The following COX5A variants were observed in gnomAD, a reference collection of about 807,000 sequenced individuals.
COX5A encodes the protein cytochrome c oxidase subunit 5A, mitochondrial.
In COX5A, 6 loss-of-function variants were observed where a neutral mutation model predicts 16.1. The observed-to-expected ratio is 0.37, with a 90% CI of 0.20 to 0.73. COX5A has a LOEUF of 0.73. Ranked by LOEUF, COX5A falls within the 30% of genes least tolerant of loss-of-function variation. COX5A has a pLI of 0.50. For synonymous variants in COX5A, 73 were observed against 73.8 expected (o/e 0.99, Z 0.06); for missense variants, 159 against 194.9 (o/e 0.82, Z 1.10).
chr15:74,922,025 A>G (rs1222958151), intron 4 of COX5A, among the ~76,000 whole-genome samples: 2 of 152,134 alleles, frequency 1.3e-5, no homozygotes, highest in Non-Finnish European at 2.9e-5. Flanking sequence ...CTGTCTCTAT[A>G]ACAAAATTAA....
chr15:74,938,063 G>T lies in COX5A; in HGVS notation c.-49C>A. 1 of 1,175,068 alleles carries T rather than the reference G, an allele frequency of 8.5e-7. No individual in the cohort carries two copies. The highest frequency in any genetic ancestry group is 1.6e-5 in the African/African-American group (1 of 63,082). 72.8% of individuals were successfully genotyped at this position (1,175,068 alleles called of 1,614,324 possible). A position where few individuals can be genotyped will look rare whatever the true frequency, so the allele number is the denominator to read the frequency against. Reference sequence around the variant, plus strand: ...TGAGGACAGAGAGAAGCCGGTGTAAGCTCGCGGGTTGCTCCGGAGCGGGCG... The same window carrying T: ...TGAGGACAGAGAGAAGCCGGTGTAATCTCGCGGGTTGCTCCGGAGCGGGCG... On this transcript the variant is annotated 5_prime_UTR_variant, in exon 1 of 5. Coordinates refer to ENST00000322347, the MANE Select transcript of COX5A (RefSeq NM_004255.4).
At chr15:74,933,408 C>CA (rs142190767) in intron 1 of COX5A, among the ~76,000 whole-genome samples, 23 of 143,980 alleles carry the variant, frequency 1.6e-4, no homozygotes, top group African/African-American at 5.5e-4. Flanking sequence ...GACTCCGTCT[C>CA]AAAAAAAAAA....
At chr15:74,927,002 T>C in intron 2 of COX5A, 115 bp from the exon 3 acceptor site, 1 of 1,120,044 alleles carries the variant, frequency 8.9e-7, no homozygotes, top group Non-Finnish European at 1.2e-6. Context: ...GGGTCTCCAT[T>C]CTCTTACCTA....
intron 1 of COX5A, among the ~76,000 whole-genome samples, chr15:74,933,468 T>C (rs942332163): frequency 1.4e-5 from 2 of 147,592 alleles, no homozygotes; most frequent in African/African-American, 2.4e-5. Context: ...TCTATCTATG[T>C]AAAAACATAG....
intron 2 of COX5A, among the ~76,000 whole-genome samples, 180 bp from the exon 3 acceptor site, chr15:74,927,067 T>A (rs901095387): frequency 6.6e-6 from 1 of 152,046 alleles, no homozygotes; most frequent in African/African-American, 2.4e-5. Flanking sequence ...TCACAGTGGA[T>A]CTCCCTTAGT....
At chr15:74,932,629 T>C (rs2065372305) in intron 1 of COX5A, among the ~76,000 whole-genome samples, 3 of 151,854 alleles carry the variant, frequency 2.0e-5, no homozygotes, top group South Asian at 2.1e-4. Flanking sequence ...CTAAATTACC[T>C]ACATAATCCA....
At chr15:74,928,315 A>G (rs900090766) in intron 2 of COX5A, among the ~76,000 whole-genome samples, 2 of 152,208 alleles carry the variant, frequency 1.3e-5, no homozygotes, top group African/African-American at 4.8e-5. Context: ...ATGGCAAAAC[A>G]ATGCAAAAAT....
intron 4 of COX5A, among the ~76,000 whole-genome samples, chr15:74,922,809 G>C (rs12101557): frequency 1.3e-5 from 2 of 151,786 alleles, no homozygotes; most frequent in African/African-American, 4.8e-5. Context: ...GGGACTACAG[G>C]CACATGCCAC....
At chr15:74,926,988 G>A (rs769201293) in intron 2 of COX5A, 101 bp from the exon 3 acceptor site, 10 of 1,290,508 alleles carry the variant, frequency 7.7e-6, no homozygotes, top group Non-Finnish European at 1.1e-5. Flanking sequence ...GATCTTATCT[G>A]TCTGGGTCTC....
chr15:74,935,607 A>T (rs1008807899), intron 1 of COX5A, among the ~76,000 whole-genome samples: 34 of 151,456 alleles, frequency 2.2e-4, no homozygotes, highest in South Asian at 6.2e-4. Context: ...ACCAAAAAAA[A>T]AAAATAAATA....
intron 4 of COX5A, among the ~76,000 whole-genome samples, chr15:74,921,096 T>C (rs998309746): frequency 6.6e-6 from 1 of 152,194 alleles, no homozygotes; most frequent in Non-Finnish European, 1.5e-5. Flanking sequence ...AACCATCTTT[T>C]AGGAGTTCAT....
At chr15:74,928,896 G>C (rs2065354776) in intron 2 of COX5A, among the ~76,000 whole-genome samples, 2 of 152,128 alleles carry the variant, frequency 1.3e-5, no homozygotes, top group Admixed American at 1.3e-4. Context: ...ACAGTGTAAA[G>C]GACAGTCCCC....
intron 1 of COX5A, chr15:74,937,653 C>T (rs781063379): frequency 1.6e-4 from 47 of 296,376 alleles, no homozygotes; most frequent in Non-Finnish European, 2.3e-4. Flanking sequence ...GCGCTGCGTC[C>T]CCTCCTCGGC....
intron 1 of COX5A, among the ~76,000 whole-genome samples, chr15:74,935,000 A>C (rs765945305): frequency 1.3e-5 from 2 of 152,220 alleles, no homozygotes; most frequent in Non-Finnish European, 2.9e-5. Context: ...TATATAGAAA[A>C]ATAAAAGGGC....
intron 1 of COX5A, among the ~76,000 whole-genome samples, chr15:74,936,522 T>C (rs2065390781): frequency 6.6e-6 from 1 of 151,652 alleles, no homozygotes. Flanking sequence ...ACTCCGTCTC[T>C]AATTTAAAAA....
intron 1 of COX5A, 153 bp downstream of exon 1, chr15:74,937,762 C>A (rs1179176777): frequency 6.8e-6 from 3 of 438,836 alleles, no homozygotes; most frequent in East Asian, 7.2e-5. Context: ...CTCCACTACT[C>A]GAGGCGGCGG....
intron 1 of COX5A, among the ~76,000 whole-genome samples, chr15:74,934,262 T>A (rs1268747648): frequency 1.3e-5 from 2 of 151,772 alleles, no homozygotes; most frequent in African/African-American, 4.8e-5. Flanking sequence ...CAAATTAAAA[T>A]AAATAAAAAT....
intron 1 of COX5A, among the ~76,000 whole-genome samples, chr15:74,932,308 G>A (rs2065371081): frequency 6.6e-6 from 1 of 151,958 alleles, no homozygotes; most frequent in Non-Finnish European, 1.5e-5. Context: ...GTTGTTTAAG[G>A]CTTAACATAT....
chr15:74,925,190 C>G (rs1362200811), intron 3 of COX5A, among the ~76,000 whole-genome samples: 1 of 151,774 alleles, frequency 6.6e-6, no homozygotes, highest in African/African-American at 2.4e-5. Context: ...ATCCCAGCTA[C>G]TCGGGAGGCT....
Sources: gnomAD v4.1 joint callset for allele counts (sites outside exome capture counted in the v4.1 genomes callset) on GRCh38, gnomAD v4.1.1 for gene constraint, MANE v1.5 for transcripts, NCBI Gene and HGNC (gene_info 2026-07-23, HGNC 2026-07-21) for gene names.